Variants in SYT14 observed in about 807,000 individuals in gnomAD.
SYT14 encodes the protein synaptotagmin 14.
Under a neutral mutation model 74.2 loss-of-function variants are expected in SYT14, and 32 were observed. The observed-to-expected ratio is 0.43, with a 90% CI of 0.33 to 0.58. SYT14 has a LOEUF of 0.58. Ranked by LOEUF, SYT14 falls within the 20% of genes least tolerant of loss-of-function variation. The probability of loss-of-function intolerance (pLI) is 0.05; values close to 1 mark genes in which losing one functional copy is unlikely to be tolerated. For synonymous variants in SYT14, 298 were observed against 337.7 expected (o/e 0.88, Z 1.29); for missense variants, 791 against 981.8 (o/e 0.81, Z 2.60).
chr1:210,084,554 G>A (rs1354627042), intron 5 of SYT14, among the ~76,000 whole-genome samples: 2 of 152,196 alleles, frequency 1.3e-5, no homozygotes, highest in Admixed American at 6.5e-5. Flanking sequence ...TCAAGGAAAA[G>A]TAATATGGAA....
intron 2 of SYT14, among the ~76,000 whole-genome samples, chr1:209,970,762 A>G (rs1572087726): frequency 7.5e-6 from 1 of 134,072 alleles, no homozygotes; most frequent in Non-Finnish European, 1.5e-5. Flanking sequence ...GCTCACTGCA[A>G]CCTCCGCCTC....
In SYT14 at chr1:210,130,955, G is replaced by T. The variant is rs74156297; in HGVS notation, c.2035-24766G>T. Among the ~76,000 whole-genome samples the T allele has an allele frequency of 2.7e-3, 418 of 152,226 alleles. 3 individuals are homozygous for T. The highest frequency in any genetic ancestry group is 9.7e-3 in the African/African-American group (403 of 41,526). On this transcript the variant is annotated intron_variant, in intron 7 of 9. Coordinates refer to ENST00000637265, the Ensembl canonical transcript of SYT14. Reference sequence around the variant, plus strand: ...TTCATAACATTTGAAATTTGAATCAGAAATAATCTTCAAACAGTCTGTTTT... The same window carrying T: ...TTCATAACATTTGAAATTTGAATCATAAATAATCTTCAAACAGTCTGTTTT...
intron 2 of SYT14, among the ~76,000 whole-genome samples, chr1:209,981,522 G>A (rs768597455): frequency 5.7e-4 from 77 of 135,594 alleles, no homozygotes; most frequent in Admixed American, 2.5e-4. Flanking sequence ...TGCAATTGTA[G>A]CTCACTGCAC....
chr1:209,958,879 T>C (rs1035537034), intron 2 of SYT14, among the ~76,000 whole-genome samples: 8 of 152,186 alleles, frequency 5.3e-5, no homozygotes, highest in Admixed American at 1.3e-4. Context: ...CTCTTCCAAC[T>C]GCTTGACTAA....
chr1:210,114,012 A>G (rs1463236295), intron 7 of SYT14, among the ~76,000 whole-genome samples: 1 of 151,280 alleles, frequency 6.6e-6, no homozygotes, highest in African/African-American at 2.5e-5. Flanking sequence ...CCACTGTAAG[A>G]GTTACTGAAA....
At chr1:210,040,370 G>A (rs2080761989) in intron 5 of SYT14, among the ~76,000 whole-genome samples, 1 of 152,082 alleles carries the variant, frequency 6.6e-6, no homozygotes. Flanking sequence ...ATCTGTCGGG[G>A]GGTGAGGGGC....
intron 5 of SYT14, among the ~76,000 whole-genome samples, chr1:210,050,783 T>A (rs982386001): frequency 2.0e-4 from 30 of 152,176 alleles, no homozygotes; most frequent in African/African-American, 7.2e-4. Context: ...CTCACTATCA[T>A]GAGAACAGTG....
At chr1:210,091,722 G>C (rs2081871977) in intron 5 of SYT14, among the ~76,000 whole-genome samples, 1 of 152,114 alleles carries the variant, frequency 6.6e-6, no homozygotes, top group Admixed American at 6.5e-5. Context: ...ATCCTACATT[G>C]TTTAGGCATC....
intron 5 of SYT14, among the ~76,000 whole-genome samples, chr1:210,064,047 C>T (rs947152905): frequency 6.6e-6 from 1 of 151,844 alleles, no homozygotes; most frequent in Non-Finnish European, 1.5e-5. Flanking sequence ...TTTAGTTATC[C>T]CACACTAGTG....
intron 7 of SYT14, among the ~76,000 whole-genome samples, chr1:210,135,664 A>T (rs570196915): frequency 6.6e-6 from 1 of 152,176 alleles, no homozygotes; most frequent in South Asian, 2.1e-4. Context: ...GATCCCAGAT[A>T]TTGTGGATTA....
intron 6 of SYT14, 26 bp downstream of exon 5, chr1:210,094,619 A>G (rs751242465): frequency 6.2e-7 from 1 of 1,612,332 alleles, no homozygotes; most frequent in Admixed American, 1.7e-5. Flanking sequence ...TAGAAGTTTG[A>G]AAATGAATGT....
At chr1:209,952,593 G>T in intron 1 of SYT14, 116 bp from the exon 2 acceptor site, 1 of 813,018 alleles carries the variant, frequency 1.2e-6, no homozygotes. Flanking sequence ...AAAGAGAAGA[G>T]TTAGGGAAAC....
rs2080198679 is a variant in SYT14, at chr1:210,017,010, T to G, written c.1007T>G (p.Ile336Arg). The change falls in exon 4 of 10, where the codon ATA becomes AGA. Residue 336 changes from isoleucine to arginine, a missense_variant. Ile to Arg is a moderately conservative substitution (Grantham distance 97). Coordinates refer to ENST00000637265, the Ensembl canonical transcript of SYT14. The stretch of plus-strand genomic sequence containing the variant: ...AAATACTGTAAAGTGAACGAAGACA[T>G]AAAACCAAAGAAAACTGAGGCCATT... 6.5e-6 allele frequency: 8 copies of G among 1,231,606 alleles called. No homozygotes were observed. The South Asian group carries it at 1.6e-4, about 25-fold the overall frequency. The allele number at this position is 1,231,606 out of a possible 1,614,324, so 76.3% of individuals were successfully genotyped here.
At chr1:210,046,384 C>T (rs1572208539) in intron 5 of SYT14, among the ~76,000 whole-genome samples, 2 of 151,338 alleles carry the variant, frequency 1.3e-5, no homozygotes, top group Admixed American at 1.3e-4. Context: ...AAGTAGAAAA[C>T]AAACAAAATT....
At chr1:209,957,292 G>T (rs1365754698) in intron 2 of SYT14, among the ~76,000 whole-genome samples, 2 of 152,002 alleles carry the variant, frequency 1.3e-5, no homozygotes, top group Non-Finnish European at 2.9e-5. Context: ...TTTCCCTTTT[G>T]TTTGGGTGGG....
intron 5 of SYT14, among the ~76,000 whole-genome samples, chr1:210,065,488 CTG>C (rs2081279441): frequency 6.6e-6 from 1 of 151,878 alleles, no homozygotes; most frequent in African/African-American, 2.4e-5. Context: ...CTGTGCTGAA[CTG>C]TGAGTCAGTT....
chr1:210,055,884 T>C (rs2081087073), intron 5 of SYT14, among the ~76,000 whole-genome samples: 1 of 152,156 alleles, frequency 6.6e-6, no homozygotes, highest in Non-Finnish European at 1.5e-5. Flanking sequence ...AGTTACCATC[T>C]CCAGTTCACC....
At chr1:209,947,149 A>G (rs2078836001) in intron 1 of SYT14, among the ~76,000 whole-genome samples, 2 of 152,336 alleles carry the variant, frequency 1.3e-5, no homozygotes, top group South Asian at 2.1e-4. Flanking sequence ...GGAGACGTAC[A>G]AGGAGATGAA....
exon 4 of SYT14, chr1:210,015,828 T>C (rs915749281): frequency 2.6e-6 from 3 of 1,165,668 alleles, no homozygotes; most frequent in African/African-American, 1.6e-5. Context: ...CTTCAACATA[T>C]TTCTTTCAAT....
Sources: gnomAD v4.1 joint callset for allele counts (sites outside exome capture counted in the v4.1 genomes callset) on GRCh38, gnomAD v4.1.1 for gene constraint, MANE v1.5 for transcripts, NCBI Gene and HGNC (gene_info 2026-07-23, HGNC 2026-07-21) for gene names.